Variants in THSD4 observed in about 807,000 individuals in gnomAD.
THSD4 encodes the protein thrombospondin type 1 domain containing 4, also known as thrombospondin type-1 domain-containing protein 4.
In THSD4, 69 loss-of-function variants were observed where a neutral mutation model predicts 119.0. The ratio of observed to expected loss-of-function variants is 0.58; its 90% CI spans 0.48 to 0.71. The LOEUF is 0.71. Ranked by LOEUF, THSD4 falls within the 30% of genes least tolerant of loss-of-function variation. The pLI is 0.00. For missense variants in THSD4, 1,393 were observed against 1,391.1 expected (o/e 1.00, Z -0.02); for synonymous variants, 524 against 540.4 (o/e 0.97, Z 0.42).
At chr15:71,729,408 A>T (rs1273120042) in intron 9 of THSD4, 3 of 152,380 alleles carry the variant, frequency 2.0e-5, no homozygotes, top group African/African-American at 7.2e-5. Context: ...TTGAAATAAC[A>T]TTTTGATAAA....
chr15:71,185,224 A>G (rs1416337120), intron 3 of THSD4, among the ~76,000 whole-genome samples: 15 of 151,854 alleles, frequency 9.9e-5, no homozygotes, highest in Admixed American at 9.8e-4. Context: ...TAAGCCAAAT[A>G]TAAAGATCTT....
intron 7 of THSD4, among the ~76,000 whole-genome samples, chr15:71,509,958 C>T (rs564315716): frequency 3.9e-5 from 6 of 152,066 alleles, no homozygotes; most frequent in African/African-American, 1.2e-4. Context: ...TAACTATTGT[C>T]GATATTTTTA....
chr15:71,563,719 CCTT>C (rs1405758528), intron 7 of THSD4, among the ~76,000 whole-genome samples: 17 of 152,202 alleles, frequency 1.1e-4, no homozygotes, highest in African/African-American at 4.1e-4. Context: ...ATGTTAATGA[CCTT>C]AGTAGATGTG....
intron 7 of THSD4, among the ~76,000 whole-genome samples, chr15:71,434,540 G>A (rs2046985532): frequency 6.8e-6 from 1 of 146,954 alleles, no homozygotes; most frequent in Non-Finnish European, 1.5e-5. Context: ...GCAAAAGGAA[G>A]TAGGGGCAAA....
At chr15:71,135,016 AC>A (rs1262924687) in intron 1 of THSD4, among the ~76,000 whole-genome samples, 1 of 145,564 alleles carries the variant, frequency 6.9e-6, no homozygotes, top group African/African-American at 2.6e-5. Context: ...GCACATATAC[AC>A]CATGGAATAC....
At chr15:71,132,299 A>G (rs1182588853) in intron 1 of THSD4, among the ~76,000 whole-genome samples, 2 of 152,248 alleles carry the variant, frequency 1.3e-5, no homozygotes, top group African/African-American at 4.8e-5. Flanking sequence ...TTTTCCAACA[A>G]TAAGGGAACA....
At chr15:71,506,482 C>T (rs770897427) in intron 7 of THSD4, among the ~76,000 whole-genome samples, 6 of 152,222 alleles carry the variant, frequency 3.9e-5, no homozygotes, top group Non-Finnish European at 8.8e-5. Context: ...CCCCGTAAGG[C>T]CCATGCCAAC....
At chr15:71,618,339 A>C (rs2050355437) in intron 7 of THSD4, among the ~76,000 whole-genome samples, 1 of 152,226 alleles carries the variant, frequency 6.6e-6, no homozygotes. Flanking sequence ...CCTCTCCCAC[A>C]TGCGCACACT....
intron 2 of THSD4, among the ~76,000 whole-genome samples, chr15:71,150,430 C>T (rs2040709658): frequency 6.6e-6 from 1 of 152,162 alleles, no homozygotes; most frequent in Non-Finnish European, 1.5e-5. Flanking sequence ...TCCTCTGGCC[C>T]CTGGGGTTAT....
intron 6 of THSD4, among the ~76,000 whole-genome samples, chr15:71,309,895 C>T (rs1316324744): frequency 6.6e-6 from 1 of 152,204 alleles, no homozygotes; most frequent in Non-Finnish European, 1.5e-5. Context: ...GAAACAGCCC[C>T]AGTGCTGACC....
chr15:71,125,129 G>A (rs938279464), intron 1 of THSD4, among the ~76,000 whole-genome samples: 2 of 151,992 alleles, frequency 1.3e-5, no homozygotes, highest in African/African-American at 4.8e-5. Context: ...AAGGAGAAAG[G>A]AAGGCAAGGA....
intron 8 of THSD4, among the ~76,000 whole-genome samples, chr15:71,714,320 T>TA (rs779861591): frequency 3.9e-5 from 6 of 152,126 alleles, no homozygotes; most frequent in Non-Finnish European, 5.9e-5. Context: ...CCCCAGCACC[T>TA]AAAACAGTGC....
At chr15:71,454,555 T>G (rs2047311082) in intron 7 of THSD4, among the ~76,000 whole-genome samples, 1 of 152,178 alleles carries the variant, frequency 6.6e-6, no homozygotes, top group Non-Finnish European at 1.5e-5. Context: ...TAATTTATAG[T>G]TAACGCCTTT....
At chr15:71,541,367 C>T (rs914457556) in intron 7 of THSD4, among the ~76,000 whole-genome samples, 2 of 152,172 alleles carry the variant, frequency 1.3e-5, no homozygotes, top group Non-Finnish European at 2.9e-5. Flanking sequence ...TTGTGCATGG[C>T]TAAGTGGCTG....
At chr15:71,278,467 A>G (rs1242208096) in intron 6 of THSD4, among the ~76,000 whole-genome samples, 2 of 152,248 alleles carry the variant, frequency 1.3e-5, no homozygotes, top group Admixed American at 1.3e-4. Context: ...TTTAAAATGT[A>G]GGTGATTAAT....
At chr15:71,199,886 GTGTGGTATGTGTGTGTGGTGCA>G (rs2043781645) in intron 3 of THSD4, among the ~76,000 whole-genome samples, 29 of 50,080 alleles carry the variant, frequency 5.8e-4, no homozygotes, top group South Asian at 9.1e-4. Flanking sequence ...TGTGGTGCAT[GTGTGGTATGTGTGTGTGGTGCA>G]TGTGTGGGGT....
chr15:71,123,075 G>T (rs893753971), intron 1 of THSD4, among the ~76,000 whole-genome samples: 1 of 152,198 alleles, frequency 6.6e-6, no homozygotes, highest in Non-Finnish European at 1.5e-5. Context: ...GGAGGAACTT[G>T]ATACCTCACT....
intron 6 of THSD4, among the ~76,000 whole-genome samples, chr15:71,349,635 T>C (rs1031023179): frequency 2.0e-5 from 3 of 152,212 alleles, no homozygotes; most frequent in African/African-American, 7.2e-5. Flanking sequence ...TGGATGGCAC[T>C]CTCACAGGTT....
chr15:71,621,193 A>C (rs1184469818), intron 7 of THSD4, among the ~76,000 whole-genome samples: 2 of 152,246 alleles, frequency 1.3e-5, no homozygotes, highest in Non-Finnish European at 2.9e-5. Flanking sequence ...GTGAAATACA[A>C]TATATAATTA....
Sources: allele counts gnomAD v4.1 joint callset (sites outside exome capture counted in the v4.1 genomes callset), GRCh38; gene constraint gnomAD v4.1.1; transcripts MANE v1.5; gene names NCBI Gene and HGNC (gene_info 2026-07-23, HGNC 2026-07-21).